Variants in COL23A1 observed in about 807,000 individuals in gnomAD.
The protein encoded by COL23A1 is collagen alpha-1(XXIII) chain.
A neutral mutation model predicts 99.3 loss-of-function variants in COL23A1; 97 were observed. That is an observed-to-expected ratio of 0.98 (90% CI 0.83 to 1.16). The LOEUF (loss-of-function observed/expected upper bound fraction) is 1.16. COL23A1 is among the 50% of genes most tolerant of loss of function. COL23A1 has a pLI of 0.00. For missense variants in COL23A1, 762 were observed against 757.4 expected (o/e 1.01, Z -0.07); for synonymous variants, 320 against 308.2 (o/e 1.04, Z -0.40).
At chr5:178,518,218 G>A (rs1759673513) in intron 2 of COL23A1, among the ~76,000 whole-genome samples, 2 of 144,454 alleles carry the variant, frequency 1.4e-5, no homozygotes, top group Non-Finnish European at 3.0e-5. Flanking sequence ...TGGGGGTAAG[G>A]TCACAGATCA....
rs369459030 is a variant in COL23A1 at position 178,249,185 on chromosome 5, C to G, written c.1081G>C (p.Asp361His). Residue 361 changes from aspartate to histidine, a missense_variant, in exon 19 of 29, where the codon GAC becomes CAC. Transcript: ENST00000390654. ...GEKGPKGQKG[D>H]PGEPGPAGLK... ...CCTGCTGGCCCAGGCTCTCCTGGGT[C>G]TCCTTTCTGTCCTTTGGGGCCCTGA... 3.7e-6 allele frequency: 6 copies of G among 1,614,130 alleles called. No individual in the cohort carries two copies. The African/African-American group carries it at 8.0e-5, about 22-fold the overall frequency.
At position 178,255,082 on chromosome 5, in the gene COL23A1, G is replaced by C. The variant is rs373171398; in HGVS notation, c.883-56C>G. On this transcript the variant is annotated intron_variant, in intron 15 of 28. Coordinates refer to ENST00000390654, the MANE Select transcript of COL23A1 (RefSeq NM_173465.4). The surrounding 1 kb of genome is among the most constrained non-coding windows in gnomAD (Gnocchi z 4.2). ...GGAAGAGCTACACTGAGTTGGAGGT[G>C]AAGTGGCAGCTGTCCCTGCATCACA... is the stretch of plus-strand genomic sequence containing the variant. The C allele has an allele frequency of 7.0e-7, 1 of 1,430,350 alleles. No homozygotes were observed. The highest frequency in any genetic ancestry group is 1.4e-5 in the African/African-American group (1 of 71,308). 88.6% of individuals were successfully genotyped at this position (1,430,350 alleles called of 1,614,324 possible).
intron 2 of COL23A1, among the ~76,000 whole-genome samples, chr5:178,398,609 G>T (rs1164325766): frequency 6.6e-6 from 1 of 152,164 alleles, no homozygotes; most frequent in African/African-American, 2.4e-5. Flanking sequence ...CCTGGGAGAC[G>T]GAATGAGACT....
rs1758422575 is a variant in COL23A1, at chr5:178,307,464, C to T, written c.362-545G>A. Among the ~76,000 whole-genome samples, 1 of 152,254 alleles carries T rather than the reference C, an allele frequency of 6.6e-6. No homozygotes were observed. The highest frequency in any genetic ancestry group is 1.5e-5 in the Non-Finnish European group (1 of 68,038). On this transcript the variant is annotated intron_variant, in intron 2 of 28. Transcript: ENST00000390654. The surrounding 1 kb of genome is among the most constrained non-coding windows in gnomAD (Gnocchi z 4.2). ...CCGCCACTCGCTGGGGCCTCCAGCT[C>T]CTCCTTCCCCAGAGCCAGGGAGCTG...
At chr5:178,247,016 C>T (rs866108437) in intron 22 of COL23A1, among the ~76,000 whole-genome samples, 1 of 152,326 alleles carries the variant, frequency 6.6e-6, no homozygotes, top group South Asian at 2.1e-4. Flanking sequence ...GCCAGGTGGC[C>T]TCCCCTTCTG....
In COL23A1 at chr5:178,292,142, T is replaced by C. The variant is rs537465341; in HGVS notation, c.407-1773A>G. Among the ~76,000 whole-genome samples the C allele has an allele frequency of 2.8e-4, 43 of 152,214 alleles. 1 individual carries two copies. The highest frequency in any genetic ancestry group is 4.6e-4 in the Non-Finnish European group (31 of 67,996). On this transcript the variant is annotated intron_variant, in intron 3 of 28. Transcript: ENST00000390654. ...CCTCCCCCGTGCCTGCGCCTGCATCTGCAACTATGCCTATACCTGTACCTG... is the reference window on the plus strand; with the variant it reads ...CCTCCCCCGTGCCTGCGCCTGCATCCGCAACTATGCCTATACCTGTACCTG...
At chr5:178,239,974 G>A (rs1305937752) in intron 27 of COL23A1, among the ~76,000 whole-genome samples, 1 of 152,224 alleles carries the variant, frequency 6.6e-6, no homozygotes, top group Non-Finnish European at 1.5e-5. Flanking sequence ...TCAGGCCTTG[G>A]GCAGGAATGG....
At chr5:178,491,114 G>A (rs191431724) in intron 2 of COL23A1, among the ~76,000 whole-genome samples, 1 of 151,420 alleles carries the variant, frequency 6.6e-6, no homozygotes, top group Admixed American at 6.6e-5. Context: ...GAAAGAGAGA[G>A]GAGACACGGA....
At chr5:178,529,249 T>C (rs963034874) in intron 2 of COL23A1, among the ~76,000 whole-genome samples, 1 of 151,982 alleles carries the variant, frequency 6.6e-6, no homozygotes, top group Non-Finnish European at 1.5e-5. Flanking sequence ...ACAACCATAA[T>C]GAGCAAGCGG....
intron 2 of COL23A1, among the ~76,000 whole-genome samples, chr5:178,416,761 G>A (rs541251964): frequency 6.6e-6 from 1 of 152,312 alleles, no homozygotes; most frequent in South Asian, 2.1e-4. Context: ...GAGATCTGGA[G>A]TGGGAGTTGC....
chr5:178,327,221 T>TC (rs1561864887), intron 2 of COL23A1, among the ~76,000 whole-genome samples: 1 of 152,228 alleles, frequency 6.6e-6, no homozygotes, highest in Admixed American at 6.5e-5. Context: ...GGTGAGTGCA[T>TC]CCCAGTTCCT....
At chr5:178,464,091 G>A (rs548564950) in intron 2 of COL23A1, among the ~76,000 whole-genome samples, 2 of 152,144 alleles carry the variant, frequency 1.3e-5, no homozygotes, top group East Asian at 1.9e-4. Context: ...TCTTAACTAC[G>A]TTTAAGCGTA....
intron 18 of COL23A1, among the ~76,000 whole-genome samples, chr5:178,249,716 A>ACACACACACACACTCTCTCT: frequency 3.2e-5 from 3 of 92,806 alleles, no homozygotes; most frequent in African/African-American, 1.3e-4. Context: ...ACACACACAC[A>ACACACACACACACTCTCTCT]CTCTCTCTCT....
intron 2 of COL23A1, among the ~76,000 whole-genome samples, chr5:178,412,536 C>A (rs561561632): frequency 1.3e-5 from 2 of 152,256 alleles, no homozygotes; most frequent in African/African-American, 4.8e-5. Flanking sequence ...GTATATCTTT[C>A]TTTACTTCTC....
At chr5:178,300,555 C>CT (rs545299945) in intron 3 of COL23A1, among the ~76,000 whole-genome samples, 2,877 of 143,856 alleles carry the variant, frequency 0.02, 83 homozygotes, top group African/African-American at 0.064. Context: ...TTTCAAGATT[C>CT]TTTTTTTTTT....
At chr5:178,436,782 C>T (rs528734269) in intron 2 of COL23A1, among the ~76,000 whole-genome samples, 43 of 152,316 alleles carry the variant, frequency 2.8e-4, no homozygotes, top group African/African-American at 9.6e-4. Flanking sequence ...TGTGAAGACA[C>T]AGTGCCAAGC....
intron 2 of COL23A1, among the ~76,000 whole-genome samples, chr5:178,335,738 C>T (rs1760280660): frequency 2.0e-5 from 3 of 152,346 alleles, no homozygotes; most frequent in Middle Eastern, 6.8e-3. Flanking sequence ...AGCAAGCTCC[C>T]AGGTCTAGGA....
intron 2 of COL23A1, among the ~76,000 whole-genome samples, chr5:178,472,077 A>G (rs1353500687): frequency 6.6e-6 from 1 of 152,132 alleles, no homozygotes; most frequent in Non-Finnish European, 1.5e-5. Flanking sequence ...GGATGGCTTG[A>G]CCTGGGGAGG....
chr5:178,266,456 G>A (rs1159073149), intron 8 of COL23A1, among the ~76,000 whole-genome samples: 2 of 152,020 alleles, frequency 1.3e-5, no homozygotes, highest in African/African-American at 4.8e-5. Context: ...GTATCCACGA[G>A]GAGGGTTGGG....
Sources: allele counts gnomAD v4.1 joint callset (sites outside exome capture counted in the v4.1 genomes callset), GRCh38; gene constraint gnomAD v4.1.1; non-coding constraint Gnocchi (gnomAD v3.1); transcripts MANE v1.5; gene names NCBI Gene and HGNC (gene_info 2026-07-23, HGNC 2026-07-21).